The following PDGFRA variants were observed in gnomAD, a reference collection of about 807,000 sequenced individuals.
The protein encoded by PDGFRA is platelet derived growth factor receptor alpha, also known as platelet-derived growth factor receptor alpha.
In PDGFRA, 25 loss-of-function variants were observed where a neutral mutation model predicts 121.5. The ratio of observed to expected loss-of-function variants is 0.21; its 90% confidence interval spans 0.15 to 0.29. The LOEUF is 0.29. Among genes scored for constraint, PDGFRA ranks in the 10% least tolerant of loss-of-function variants. PDGFRA has a pLI of 1.00. For synonymous variants in PDGFRA, 463 were observed against 494.8 expected, an observed-to-expected ratio of 0.94 and a Z score of 0.85; for missense variants, 1,008 against 1,345.1, an observed-to-expected ratio of 0.75 and a Z score of 3.92.
rs1553903366 is a variant in PDGFRA at position 54,267,752 on chromosome 4, T to C, written c.1121+11T>C. 2.5e-6 allele frequency: 4 copies of C among 1,611,448 alleles called. No individual in the cohort carries two copies. In the South Asian group the frequency reaches 3.3e-5, roughly 13 times the overall value. On this transcript the variant is annotated intron_variant, in intron 7 of 22. Coordinates refer to ENST00000257290, the MANE Select transcript of PDGFRA (RefSeq NM_006206.6). ...GATTCAGGAAATAAGGTAAAGAAAC[T>C]CTCTGCCCAAGTATGCCTTTTTTTA...
rs1003098251 is a variant in PDGFRA at position 54,290,987 on chromosome 4, A to G, written c.3122+433A>G. Among the ~76,000 whole-genome samples the G allele has an allele frequency of 2.6e-5, 4 of 152,324 alleles. No individual in the cohort carries two copies. The Middle Eastern group carries it at 0.01, about 389-fold the overall frequency. On this transcript the variant is annotated intron_variant, in intron 22 of 22. Coordinates refer to ENST00000257290, the MANE Select transcript of PDGFRA (RefSeq NM_006206.6). ...GAATTGGAATCACCTGCAGAGATTTAAAAACTGCTGATCTACAAGCCTCAC... is the reference window on the plus strand; with the variant it reads ...GAATTGGAATCACCTGCAGAGATTTGAAAACTGCTGATCTACAAGCCTCAC...
intron 19 of PDGFRA, among the ~76,000 whole-genome samples, chr4:54,288,584 G>A (rs545675105): frequency 9.9e-5 from 15 of 152,110 alleles, no homozygotes; most frequent in African/African-American, 3.6e-4. Flanking sequence ...TTTTGTGATG[G>A]TACTTGGACT....
intron 1 of PDGFRA, among the ~76,000 whole-genome samples, chr4:54,233,118 C>T (rs1720788485): frequency 6.6e-6 from 1 of 151,056 alleles, no homozygotes; most frequent in African/African-American, 2.4e-5. Context: ...ACAATGCAAA[C>T]GCAGAGCGTC....
chr4:54,285,782 G>A (rs550173632), intron 17 of PDGFRA, 59 bp from the exon 18 acceptor site: 23 of 1,487,812 alleles, frequency 1.5e-5, no homozygotes, highest in East Asian at 2.4e-5. Context: ...TCTTGCAGGG[G>A]TGATGCTATT....
At chr4:54,231,246 T>C (rs932829987) in intron 1 of PDGFRA, among the ~76,000 whole-genome samples, 10 of 152,280 alleles carry the variant, frequency 6.6e-5, no homozygotes, top group Admixed American at 6.5e-4. Context: ...CCATATCAGG[T>C]CCCTACCGCC....
At chr4:54,229,526 AG>A in intron 1 of PDGFRA, 111 bp downstream of exon 1, 1 of 390,160 alleles carries the variant, frequency 2.6e-6, no homozygotes, top group Non-Finnish European at 4.5e-6. Flanking sequence ...AAAAAAAAAA[AG>A]GAGCTGGATT....
intron 15 of PDGFRA, among the ~76,000 whole-genome samples, chr4:54,279,799 G>A (rs1011650182): frequency 2.0e-5 from 3 of 152,112 alleles, no homozygotes; most frequent in African/African-American, 4.8e-5. Flanking sequence ...GAGAACGTAC[G>A]ATGTTTGGTT....
chr4:54,252,241 A>T (rs1169778327), intron 1 of PDGFRA, among the ~76,000 whole-genome samples: 1 of 152,188 alleles, frequency 6.6e-6, no homozygotes, highest in Non-Finnish European at 1.5e-5. Context: ...GGTTTTAACA[A>T]TTACCCAGTT....
At chr4:54,288,726 T>A (rs2110343840) in intron 19 of PDGFRA, 73 bp from the exon 20 acceptor site, 1 of 882,852 alleles carries the variant, frequency 1.1e-6, no homozygotes, top group Admixed American at 1.7e-5. Flanking sequence ...TCTAACAGTG[T>A]TCTATCATGC....
chr4:54,272,636 C>A (rs1405627507), intron 9 of PDGFRA, 116 bp downstream of exon 9: 10 of 1,132,898 alleles, frequency 8.8e-6, no homozygotes, highest in Non-Finnish European at 1.2e-5. Context: ...GGTGTGATAG[C>A]TTCAGGGTGT....
intron 1 of PDGFRA, among the ~76,000 whole-genome samples, chr4:54,241,708 C>A (rs1035072127): frequency 5.1e-4 from 77 of 152,052 alleles, no homozygotes; most frequent in African/African-American, 1.7e-3. Context: ...CACCACCACA[C>A]CTGGCTAATT....
chr4:54,239,837 T>A (rs998760163), intron 1 of PDGFRA, among the ~76,000 whole-genome samples: 11 of 151,886 alleles, frequency 7.2e-5, no homozygotes, highest in Middle Eastern at 3.4e-3. Flanking sequence ...TTAAAAAAAA[T>A]TTTAAATTAT....
chr4:54,277,530 AT>A (rs1284423208), intron 13 of PDGFRA, 38 bp downstream of exon 13: 5 of 1,376,316 alleles, frequency 3.6e-6, no homozygotes, highest in Non-Finnish European at 5.2e-6. Context: ...GAGCACGGGG[AT>A]TTTTTGAGCA....
At chr4:54,253,122 C>T (rs1343107793) in intron 1 of PDGFRA, among the ~76,000 whole-genome samples, 1 of 152,086 alleles carries the variant, frequency 6.6e-6, no homozygotes, top group Non-Finnish European at 1.5e-5. Context: ...AATCAGAGTT[C>T]AGATCCATGT....
rs578115976 is a variant in PDGFRA, at chr4:54,264,908, C to CT, written c.629-5dup. On this transcript the variant is annotated splice_polypyrimidine_tract_variant and intron_variant, in intron 4 of 22. Transcript: ENST00000257290. Reference sequence around the variant, plus strand: ...GGATTTTTAGGCCCTTGTATTTGTTCTTTTTTATAGCAACATCAGAGCTGG... The same window carrying CT: ...GGATTTTTAGGCCCTTGTATTTGTTCTTTTTTTATAGCAACATCAGAGCTGG... 4.3e-4 allele frequency: 676 copies of CT among 1,587,496 alleles called. 6 individuals are homozygous for CT. The South Asian group carries it at 7.0e-3, about 17-fold the overall frequency.
Position 54,290,298 on chromosome 4 carries a change from A to G in PDGFRA, c.2881-15A>G, listed in dbSNP as rs756346250. ...TGTTAACACTTGATTAAATATGTTC[A>G]ATGAATGTTTATAGAGTTATGAAAA... On this transcript the variant is annotated splice_polypyrimidine_tract_variant and intron_variant, in intron 21 of 22. Transcript: ENST00000257290. 4.4e-6 allele frequency: 7 copies of G among 1,599,814 alleles called. No individual in the cohort carries two copies. Among genetic ancestry groups the G allele is most frequent in the Non-Finnish European group, 6.0e-6 (7 of 1,166,952 alleles).
chr4:54,291,763 C>A (rs1321471751), intron 22 of PDGFRA, among the ~76,000 whole-genome samples: 1 of 152,178 alleles, frequency 6.6e-6, no homozygotes, highest in Non-Finnish European at 1.5e-5. Context: ...TTGGATCCAG[C>A]AATCCCATTA....
At chr4:54,289,210 A>G (rs1724509509) in intron 21 of PDGFRA, 96 bp downstream of exon 21, 2 of 764,486 alleles carry the variant, frequency 2.6e-6, no homozygotes, top group South Asian at 1.5e-5. Flanking sequence ...CATTTTCAAA[A>G]GAGGCAAAAG....
rs1201858079 is a variant in PDGFRA, at chr4:54,297,408, A to G, written c.*2136A>G. 4.3e-6 allele frequency: 1 copy of G among 233,634 alleles called. No homozygotes were observed. 14.5% of individuals were successfully genotyped at this position (233,634 alleles called of 1,614,324 possible). On this transcript the variant is annotated 3_prime_UTR_variant, in exon 23 of 23. Transcript: ENST00000257290. ...GAAGACTGAGCCAGATTGGCCAATTAAAAACGAAAACCTGACTAGGTTCTG... is the reference window on the plus strand; with the variant it reads ...GAAGACTGAGCCAGATTGGCCAATTGAAAACGAAAACCTGACTAGGTTCTG...
Sources: allele counts gnomAD v4.1 joint callset (sites outside exome capture counted in the v4.1 genomes callset), GRCh38; gene constraint gnomAD v4.1.1; transcripts MANE v1.5; gene names NCBI Gene and HGNC (gene_info 2026-07-23, HGNC 2026-07-21).